TRIM44: variants seen among roughly 807,000 people sequenced by gnomAD.
TRIM44 encodes the protein tripartite motif containing 44.
Under a neutral mutation model 37.4 loss-of-function variants are expected in TRIM44, and 13 were observed. The ratio of observed to expected loss-of-function variants is 0.35; its 90% CI spans 0.23 to 0.55. The LOEUF (loss-of-function observed/expected upper bound fraction) is 0.55, where lower values mean the gene tolerates loss of function less well. Ranked by LOEUF, TRIM44 falls within the 20% of genes least tolerant of loss-of-function variation. The pLI, the probability that TRIM44 is intolerant of heterozygous loss-of-function variation, is 0.89. For missense variants in TRIM44, 426 were observed against 437.2 expected (o/e 0.97, Z 0.23); for synonymous variants, 175 against 157.2 (o/e 1.11, Z -0.85).
chr11:35,742,568 AATT>A (rs1455537184), intron 4 of TRIM44, among the ~76,000 whole-genome samples: 1 of 132,024 alleles, frequency 7.6e-6, no homozygotes, highest in African/African-American at 2.9e-5. Context: ...TATTATATAT[AATT>A]ATATTAATTA....
Position 35,814,305 on chromosome 11 carries a change from A to G in TRIM44, c.*7920A>G, listed in dbSNP as rs1180829268. On this transcript the variant is annotated 3_prime_UTR_variant, in exon 5 of 5. Coordinates refer to ENST00000299413, the MANE Select transcript of TRIM44 (RefSeq NM_017583.6). ...GTGGTTGGTGGTTTCTAGAAGAAAT[A>G]ATTCAGAAGCAAAAGACACATGAAG... 1 of 152,226 alleles carries G rather than the reference A, an allele frequency of 6.6e-6. No individual in the cohort carries two copies. The highest frequency in any genetic ancestry group is 2.4e-5 in the African/African-American group (1 of 41,454). The allele number at this position is 152,226 out of a possible 1,614,324, so 9.4% of individuals were successfully genotyped here.
At chr11:35,757,357 A>G (rs1295273285) in intron 4 of TRIM44, among the ~76,000 whole-genome samples, 1 of 152,016 alleles carries the variant, frequency 6.6e-6, no homozygotes, top group Non-Finnish European at 1.5e-5. Flanking sequence ...TATCCCCTTT[A>G]TCATTTTTTA....
chr11:35,663,372 G>A lies in TRIM44; in HGVS notation c.261G>A (p.Gln87=). 2 of 1,612,362 alleles carry A rather than the reference G, an allele frequency of 1.2e-6. No homozygotes were observed. The highest frequency in any genetic ancestry group is 1.7e-6 in the Non-Finnish European group (2 of 1,179,186). ...GKEEAEVKVE[Q]EREIESEAGE... is the part of the protein sequence containing the mutation. ...AAGAAGCGGAGGTCAAGGTGGAGCA[G>A]GAGAGGGAGATAGAAAGCGAGGCAG... is the stretch of plus-strand genomic sequence containing the variant. The change falls in exon 1 of 5, where the codon CAG becomes CAA. Residue 87 remains glutamine, a synonymous_variant. Transcript: ENST00000299413.
At chr11:35,794,285 G>C (rs1690721388) in intron 4 of TRIM44, among the ~76,000 whole-genome samples, 1 of 152,190 alleles carries the variant, frequency 6.6e-6, no homozygotes, top group Admixed American at 6.5e-5. Flanking sequence ...TAGACTGTTA[G>C]GGTAAGAGGT....
intron 2 of TRIM44, among the ~76,000 whole-genome samples, chr11:35,707,650 CAA>C (rs1851908019): frequency 1.4e-5 from 2 of 148,012 alleles, no homozygotes; most frequent in South Asian, 2.2e-4. Context: ...CTGACAAAAA[CAA>C]GAGATGGGGA....
chr11:35,677,949 G>A (rs757777825), intron 1 of TRIM44, among the ~76,000 whole-genome samples: 1 of 152,202 alleles, frequency 6.6e-6, no homozygotes, highest in East Asian at 1.9e-4. Flanking sequence ...TGACCTGGGT[G>A]TAGTTAGAGC....
chr11:35,755,045 G>A (rs1031475141), intron 4 of TRIM44, among the ~76,000 whole-genome samples: 3 of 152,178 alleles, frequency 2.0e-5, no homozygotes, highest in African/African-American at 7.2e-5. Context: ...GGGTCAAATG[G>A]TATTTCTAGT....
chr11:35,767,252 G>A (rs921293574), intron 4 of TRIM44, among the ~76,000 whole-genome samples: 1 of 152,134 alleles, frequency 6.6e-6, no homozygotes, highest in African/African-American at 2.4e-5. Flanking sequence ...TTATCGGGGT[G>A]CTTCTTTTAG....
At chr11:35,801,415 A>C (rs1249365843) in intron 4 of TRIM44, among the ~76,000 whole-genome samples, 1 of 152,222 alleles carries the variant, frequency 6.6e-6, no homozygotes, top group Non-Finnish European at 1.5e-5. Flanking sequence ...GAGTGATGCC[A>C]AGTCACATTA....
At chr11:35,675,834 A>G (rs2135485977) in intron 1 of TRIM44, among the ~76,000 whole-genome samples, 1 of 152,094 alleles carries the variant, frequency 6.6e-6, no homozygotes, top group Admixed American at 6.6e-5. Context: ...ACACTGCTCT[A>G]TTTTAAAGGG....
Position 35,817,861 on chromosome 11 carries a change from C to G in TRIM44, c.*11476C>G, listed in dbSNP as rs1018707547. ...CACCTCCCCCCACCTTCCTTCTGCT[C>G]TGGCCATGTAAAGTGCTCACTCCCC... On this transcript the variant is annotated 3_prime_UTR_variant, in exon 5 of 5. Transcript: ENST00000299413. 2 of 152,128 alleles carry G rather than the reference C, an allele frequency of 1.3e-5. No homozygotes were observed. The highest frequency in any genetic ancestry group is 2.9e-5 in the Non-Finnish European group (2 of 68,054). 9.4% of individuals were successfully genotyped at this position (152,128 alleles called of 1,614,324 possible).
chr11:35,771,037 G>T (rs776223462), intron 4 of TRIM44, among the ~76,000 whole-genome samples: 6 of 152,142 alleles, frequency 3.9e-5, no homozygotes, highest in Admixed American at 6.5e-5. Flanking sequence ...AATAGAGCGG[G>T]GCGTTGCTGA....
chr11:35,681,992 T>C (rs1231389122), intron 1 of TRIM44, among the ~76,000 whole-genome samples: 4 of 135,614 alleles, frequency 2.9e-5, no homozygotes. Flanking sequence ...GCAGTCTCGC[T>C]CTGTCACCCA....
intron 4 of TRIM44, among the ~76,000 whole-genome samples, chr11:35,778,862 G>A (rs919355911): frequency 6.6e-6 from 1 of 152,156 alleles, no homozygotes; most frequent in Non-Finnish European, 1.5e-5. Context: ...CCCCCTATTG[G>A]GAGTTCTCTA....
chr11:35,713,311 A>G (rs1852001643), intron 2 of TRIM44, among the ~76,000 whole-genome samples: 1 of 152,206 alleles, frequency 6.6e-6, no homozygotes, highest in Admixed American at 6.5e-5. Context: ...ATCCCCTTTT[A>G]TAAATGAAGA....
chr11:35,765,980 C>T (rs1165924476), intron 4 of TRIM44, among the ~76,000 whole-genome samples: 4 of 152,166 alleles, frequency 2.6e-5, no homozygotes, highest in Admixed American at 2.6e-4. Context: ...TCATAAGACC[C>T]AATAAAAGCA....
At chr11:35,793,503 C>T (rs964224820) in intron 4 of TRIM44, among the ~76,000 whole-genome samples, 3 of 152,042 alleles carry the variant, frequency 2.0e-5, no homozygotes, top group African/African-American at 4.8e-5. Context: ...CCAGCCTGTG[C>T]GACAGAGTGA....
intron 4 of TRIM44, among the ~76,000 whole-genome samples, chr11:35,750,470 T>A (rs1852546367): frequency 6.6e-6 from 1 of 152,182 alleles, no homozygotes; most frequent in Admixed American, 6.5e-5. Context: ...GTCCAGTAAG[T>A]TTCCAAAGGC....
intron 3 of TRIM44, among the ~76,000 whole-genome samples, chr11:35,735,166 T>C (rs1019942480): frequency 2.6e-5 from 4 of 152,226 alleles, no homozygotes; most frequent in African/African-American, 9.6e-5. Flanking sequence ...AAGGCAATTA[T>C]TTAGGCCTCC....
Sources: gnomAD v4.1 joint callset for allele counts (sites outside exome capture counted in the v4.1 genomes callset) on GRCh38, gnomAD v4.1.1 for gene constraint, MANE v1.5 for transcripts, NCBI Gene and HGNC (gene_info 2026-07-23, HGNC 2026-07-21) for gene names.